The following KIF27 variants were observed in gnomAD, a reference collection of about 807,000 sequenced individuals.
KIF27 encodes kinesin family member 27.
A neutral mutation model predicts 141.8 loss-of-function variants in KIF27; 84 were observed. The ratio of observed to expected loss-of-function variants is 0.59; its 90% CI spans 0.50 to 0.71. The LOEUF is 0.71. KIF27 is among the 30% of genes least tolerant of loss of function. KIF27 has a pLI of 0.00. For missense variants in KIF27, 1,306 were observed against 1,628.4 expected (o/e 0.80, Z 3.41); for synonymous variants, 471 against 569.5 (o/e 0.83, Z 2.46).
chr9:83,903,235 G>A lies in KIF27; in HGVS notation c.1283C>T (p.Thr428Ile). The A allele has an allele frequency of 1.2e-6, 2 of 1,614,106 alleles. No individual in the cohort carries two copies. The highest frequency in any genetic ancestry group is 1.7e-6 in the Non-Finnish European group (2 of 1,180,024). The change falls in exon 4 of 18, where the codon ACT becomes ATT. Residue 428 changes from threonine to isoleucine, a missense_variant. Around this residue, in one of 4 missense-constraint regions of KIF27, gnomAD observed 533 missense variants for 565.6 expected, o/e 0.94. Coordinates refer to ENST00000297814, the MANE Select transcript of KIF27 (RefSeq NM_017576.4). ...AFTFLVDLKD[T>I]VRLNEKQQHK... The stretch of plus-strand genomic sequence containing the variant: ...TTGCTGCTTTTCGTTTAGTCTGACA[G>A]TATCTTTTAGGTCAACCAGGAAGGT...
intron 15 of KIF27, among the ~76,000 whole-genome samples, chr9:83,850,842 T>C (rs1276834855): frequency 4.2e-5 from 5 of 118,820 alleles, no homozygotes; most frequent in African/African-American, 1.3e-4. Flanking sequence ...TTTTTTTTTT[T>C]TTTTTTTTTT....
chr9:83,847,232 C>A (rs1278128719), intron 16 of KIF27, among the ~76,000 whole-genome samples: 3 of 152,182 alleles, frequency 2.0e-5, no homozygotes, highest in African/African-American at 7.2e-5. Context: ...ATGTGACCAG[C>A]CGCAGAAACG....
chr9:83,910,683 C>G (rs1002286364), intron 2 of KIF27, among the ~76,000 whole-genome samples: 1 of 152,176 alleles, frequency 6.6e-6, no homozygotes, highest in South Asian at 2.1e-4. Context: ...AAAGAAACAT[C>G]TCTACACCTC....
intron 1 of KIF27, among the ~76,000 whole-genome samples, chr9:83,920,860 C>T (rs1407941856): frequency 9.7e-6 from 1 of 102,620 alleles, no homozygotes; most frequent in Non-Finnish European, 2.2e-5. Context: ...TCAACCTCTA[C>T]GGTGGGAAAT....
intron 14 of KIF27, 40 bp from the exon 15 acceptor site, chr9:83,853,875 A>G (rs1357849509): frequency 8.4e-6 from 12 of 1,431,476 alleles, no homozygotes; most frequent in African/African-American, 2.8e-5. Flanking sequence ...ATGAAATAGT[A>G]TAACTTTGAC....
intron 2 of KIF27, among the ~76,000 whole-genome samples, chr9:83,909,165 A>C (rs1189220429): frequency 6.6e-6 from 1 of 152,246 alleles, no homozygotes; most frequent in Non-Finnish European, 1.5e-5. Flanking sequence ...TAAGTGAATT[A>C]TATGGCATAT....
intron 2 of KIF27, among the ~76,000 whole-genome samples, chr9:83,914,830 G>A (rs529357949): frequency 3.9e-5 from 6 of 152,142 alleles, no homozygotes; most frequent in African/African-American, 1.4e-4. Flanking sequence ...TTATAAGCAG[G>A]AGAAATTATG....
At chr9:83,858,449 G>A (rs1387860195) in intron 14 of KIF27, 3 of 152,036 alleles carry the variant, frequency 2.0e-5, no homozygotes, top group Admixed American at 6.6e-5. Context: ...AATATTTGCA[G>A]AGGAAGTTCA....
At chr9:83,908,258 T>C (rs1039413707) in intron 3 of KIF27, among the ~76,000 whole-genome samples, 194 bp downstream of exon 3, 2 of 120,046 alleles carry the variant, frequency 1.7e-5, no homozygotes, top group African/African-American at 6.5e-5. Context: ...CGAAACTCCA[T>C]CTCAAAAAAA....
Position 83,903,730 on chromosome 9 carries a change from T to G in KIF27, c.788A>C (p.Glu263Ala). The change falls in exon 4 of 18, where the codon GAA (glutamate) becomes GCA (alanine). Residue 263 changes from glutamate to alanine, a missense_variant. Physicochemically the swap from Glu to Ala is moderately radical, Grantham distance 107 (BLOSUM62 -1). Transcript: ENST00000297814. ...KTGNTGERFK[E>A]SIQINSGLLA... Reference sequence around the variant, plus strand: ...CAATCCACTATTGATTTGAATGGATTCTTTGAACCGTTCACCAGTATTCCC... The same window carrying G: ...CAATCCACTATTGATTTGAATGGATGCTTTGAACCGTTCACCAGTATTCCC... 1.9e-6 allele frequency: 3 copies of G among 1,614,204 alleles called. No individual in the cohort carries two copies. Among genetic ancestry groups the G allele is most frequent in the Non-Finnish European group, 2.5e-6 (3 of 1,180,032 alleles).
chr9:83,898,379 T>A (rs1050367090), intron 5 of KIF27, among the ~76,000 whole-genome samples: 2 of 152,172 alleles, frequency 1.3e-5, no homozygotes, highest in African/African-American at 4.8e-5. Context: ...CTGAATAAAT[T>A]AATAAAAATT....
At chr9:83,893,500 A>G (rs899390101) in intron 5 of KIF27, among the ~76,000 whole-genome samples, 67 of 152,190 alleles carry the variant, frequency 4.4e-4, no homozygotes, top group African/African-American at 1.2e-3. Flanking sequence ...AAGAAAAATA[A>G]ATCCCCCATG....
chr9:83,853,700 T>C lies in KIF27; in HGVS notation c.3286A>G (p.Asn1096Asp), dbSNP rs565946178. 1.2e-5 allele frequency: 20 copies of C among 1,613,884 alleles called. No individual in the cohort carries two copies. The East Asian group carries it at 1.8e-4, about 14-fold the overall frequency. The change falls in exon 15 of 18, where the codon AAT (asparagine) becomes GAT (aspartate). Residue 1096 changes from asparagine (N) to aspartate (D), a missense_variant. Transcript: ENST00000297814. The stretch of plus-strand genomic sequence containing the variant: ...AGGCAAGCTAGCTTTTCCAAGACAT[T>C]TGCTTCACCACGAGAGAGGTTATGG... ...SFHNLSRGEA[N>D]VLEKLACLSP... is the part of the protein sequence containing the mutation.
chr9:83,907,014 G>A (rs369793417), intron 3 of KIF27, among the ~76,000 whole-genome samples: 332 of 152,076 alleles, frequency 2.2e-3, no homozygotes, highest in Non-Finnish European at 3.2e-3. Context: ...ATATGGGCCA[G>A]GCATGGTGGC....
In KIF27 at chr9:83,842,258, G is replaced by A. The variant is rs368997037; in HGVS notation, c.3700C>T (p.Arg1234Trp). The change falls in exon 17 of 18, where the codon CGG becomes TGG. Residue 1234 changes from arginine to tryptophan, a missense_variant. This residue lies in a region of KIF27 where 148 missense variants were observed against 250.9 expected (regional missense o/e 0.59). Coordinates refer to ENST00000297814, the MANE Select transcript of KIF27 (RefSeq NM_017576.4). Reference protein sequence around the residue: ...LKELVGEAIRRQLAPSEYQEA... With the variant: ...LKELVGEAIRWQLAPSEYQEA... The stretch of plus-strand genomic sequence containing the variant: ...TTACACTCTGATGGTGCTAGTTGCC[G>A]CCGAATTGCTTCCCCTACCAGTTCC... 5.8e-6 allele frequency: 9 copies of A among 1,563,438 alleles called. No individual in the cohort carries two copies. Among genetic ancestry groups the A allele is most frequent in the African/African-American group, 4.2e-5 (3 of 71,560 alleles).
rs1478150039 is a variant in KIF27, at chr9:83,915,615, G to T, written c.-24C>A. On this transcript the variant is annotated 5_prime_UTR_variant, in exon 2 of 18. Transcript: ENST00000297814. Reference sequence around the variant, plus strand: ...ATGGCAACTTAGATTTTACTAAATAGATTTTCTATTTAATGTTCAGTATCT... The same window carrying T: ...ATGGCAACTTAGATTTTACTAAATATATTTTCTATTTAATGTTCAGTATCT... 6.4e-7 allele frequency: 1 copy of T among 1,555,092 alleles called. No individual in the cohort carries two copies. The highest frequency in any genetic ancestry group is 8.7e-7 in the Non-Finnish European group (1 of 1,151,710).
In KIF27 at chr9:83,836,980, A is replaced by G; in HGVS notation, c.*21T>C. On this transcript the variant is annotated 3_prime_UTR_variant, in exon 18 of 18. Transcript: ENST00000297814. ...AAAGGAATCTTTTTACATATCTACT[A>G]AAAGTTCTATTATTCAATGTCTAAG... 6.2e-7 allele frequency: 1 copy of G among 1,602,040 alleles called. No homozygotes were observed. The highest frequency in any genetic ancestry group is 8.5e-7 in the Non-Finnish European group (1 of 1,176,664).
intron 5 of KIF27, among the ~76,000 whole-genome samples, chr9:83,891,929 A>C (rs1036006537): frequency 1.3e-5 from 2 of 152,208 alleles, no homozygotes; most frequent in African/African-American, 4.8e-5. Flanking sequence ...GGAGGTAACA[A>C]GTGCAGGGAA....
intron 16 of KIF27, 151 bp from the exon 17 acceptor site, chr9:83,842,552 G>A (rs770767937): frequency 1.0e-4 from 108 of 1,050,358 alleles, no homozygotes; most frequent in Admixed American, 3.5e-4. Context: ...TGTAAGCTCC[G>A]CCTCCCAGGT....
Sources: allele counts gnomAD v4.1 joint callset (sites outside exome capture counted in the v4.1 genomes callset), GRCh38; gene constraint gnomAD v4.1.1; regional missense constraint gnomAD v4.1.1; transcripts MANE v1.5; gene names NCBI Gene and HGNC (gene_info 2026-07-23, HGNC 2026-07-21).